PCDHA7: variants seen among roughly 807,000 people sequenced by gnomAD.
PCDHA7 encodes the protein protocadherin alpha 7, also known as protocadherin alpha-7.
A neutral mutation model predicts 57.2 loss-of-function variants in PCDHA7; 37 were observed. The ratio of observed to expected loss-of-function variants is 0.65; its 90% confidence interval spans 0.50 to 0.85. PCDHA7 has a LOEUF of 0.85. PCDHA7 is among the 40% of genes least tolerant of loss of function. The probability of loss-of-function intolerance (pLI) is 0.00; values close to 1 mark genes in which losing one functional copy is unlikely to be tolerated. For synonymous variants in PCDHA7, 553 were observed against 558.8 expected (o/e 0.99, Z 0.15); for missense variants, 1,188 against 1,241.8 (o/e 0.96, Z 0.65).
intron 1 of PCDHA7, among the ~76,000 whole-genome samples, chr5:140,906,693 G>A (rs887867103): frequency 6.6e-6 from 1 of 152,082 alleles, no homozygotes; most frequent in African/African-American, 2.4e-5. Context: ...GAAGGATCTG[G>A]GCCATTTGTA....
rs781886107 is a variant in PCDHA7 at position 140,870,037 on chromosome 5, A to G, written c.2355+33299A>G. 6.2e-7 allele frequency: 1 copy of G among 1,613,778 alleles called. No individual in the cohort carries two copies. The highest frequency in any genetic ancestry group is 1.7e-5 in the Admixed American group (1 of 60,026). On this transcript the variant is annotated intron_variant, in intron 1 of 3. Coordinates refer to ENST00000525929, the MANE Select transcript of PCDHA7 (RefSeq NM_018910.3). ...CAATGGAACTTTAGATTATGAAGAA[A>G]ACAAGTTTTATAAAATTGAAGTACA... is the stretch of plus-strand genomic sequence containing the variant.
At chr5:140,858,533 T>C in intron 1 of PCDHA7, 4 of 1,397,322 alleles carry the variant, frequency 2.9e-6, no homozygotes, top group Non-Finnish European at 4.0e-6. Context: ...TTCATTTTTG[T>C]CTACATTCCA....
Position 140,853,699 on chromosome 5 carries a change from C to T in PCDHA7, c.2355+16961C>T. 5.1e-6 allele frequency: 5 copies of T among 984,902 alleles called. 1 individual carries two copies. Among genetic ancestry groups the T allele is most frequent in the Non-Finnish European group, 6.1e-6 (5 of 817,068 alleles). The allele number at this position is 984,902 out of a possible 1,614,324, so 61.0% of individuals were successfully genotyped here. On this transcript the variant is annotated intron_variant, in intron 1 of 3. Transcript: ENST00000525929. Reference sequence around the variant, plus strand: ...GTCAACCTATCCTTAGACCTGCTAACGCATTAGCATTAGCAGCACCTAAGT... The same window carrying T: ...GTCAACCTATCCTTAGACCTGCTAATGCATTAGCATTAGCAGCACCTAAGT...
At chr5:140,991,452 C>T (rs1162146299) in intron 3 of PCDHA7, among the ~76,000 whole-genome samples, 3 of 152,184 alleles carry the variant, frequency 2.0e-5, no homozygotes, top group African/African-American at 7.2e-5. Context: ...TAAAACAACA[C>T]AATGTATTAT....
intron 1 of PCDHA7, chr5:140,856,365 A>C: frequency 3.1e-6 from 5 of 1,598,426 alleles, no homozygotes; most frequent in Non-Finnish European, 2.6e-6. Flanking sequence ...ATCCACCTGG[A>C]GGTGATCGTG....
chr5:140,884,003 G>A, intron 1 of PCDHA7: 4 of 1,613,086 alleles, frequency 2.5e-6, no homozygotes, highest in African/African-American at 1.3e-5. Flanking sequence ...CACAGTGAGC[G>A]AGCTGATGCC....
chr5:140,911,187 G>A (rs911666410), intron 1 of PCDHA7, among the ~76,000 whole-genome samples: 1 of 152,102 alleles, frequency 6.6e-6, no homozygotes, highest in Non-Finnish European at 1.5e-5. Context: ...TGTGGGTTGG[G>A]GAGGACATGT....
chr5:140,967,229 C>T, intron 1 of PCDHA7: 2 of 1,613,760 alleles, frequency 1.2e-6, no homozygotes, highest in East Asian at 2.2e-5. Flanking sequence ...CAACTACCAG[C>T]TTCAGGTAAG....
chr5:140,907,690 G>C (rs761914004), intron 1 of PCDHA7, among the ~76,000 whole-genome samples: 1 of 152,196 alleles, frequency 6.6e-6, no homozygotes, highest in African/African-American at 2.4e-5. Context: ...TTGGTGAGTG[G>C]AAGTCCCTGT....
intron 3 of PCDHA7, among the ~76,000 whole-genome samples, chr5:140,995,481 T>C (rs190039428): frequency 5.9e-5 from 9 of 152,308 alleles, no homozygotes; most frequent in Admixed American, 5.9e-4. Context: ...CATTTAATAT[T>C]TTCAGACTAA....
chr5:140,850,123 C>A (rs2150468826), intron 1 of PCDHA7: 9 of 1,595,920 alleles, frequency 5.6e-6, no homozygotes, highest in African/African-American at 2.7e-5. Context: ...GCGGGCGTGC[C>A]GCCTCTGGGC....
In PCDHA7 at chr5:141,011,948, A is replaced by G. The variant is rs1011232437; in HGVS notation, c.*2011A>G. ...TAGGAGTCTGTTATTTAAAAAAAGC[A>G]TTAAATTTAAAAAAAAACTGTCTTG... On this transcript the variant is annotated 3_prime_UTR_variant, in exon 4 of 4. Transcript: ENST00000525929. 3 of 153,698 alleles carry G rather than the reference A, an allele frequency of 2.0e-5. No homozygotes were observed. The highest frequency in any genetic ancestry group is 4.4e-5 in the Non-Finnish European group (3 of 68,026). The allele number at this position is 153,698 out of a possible 1,614,324, so 9.5% of individuals were successfully genotyped here.
intron 1 of PCDHA7, chr5:140,928,085 T>G: frequency 1.9e-6 from 3 of 1,614,236 alleles, no homozygotes; most frequent in Non-Finnish European, 8.5e-7. Flanking sequence ...TACAGCCTGC[T>G]GATTGATGGG....
intron 3 of PCDHA7, among the ~76,000 whole-genome samples, chr5:141,009,094 C>A (rs1350235475): frequency 6.6e-6 from 1 of 152,176 alleles, no homozygotes; most frequent in Non-Finnish European, 1.5e-5. Context: ...AAGAACCAAA[C>A]ATATGTTACT....
At chr5:140,968,756 G>T in intron 1 of PCDHA7, 1 of 1,614,202 alleles carries the variant, frequency 6.2e-7, no homozygotes, top group Non-Finnish European at 8.5e-7. Flanking sequence ...GGTGGTCCGA[G>T]ATAATGGAGA....
chr5:140,843,077 G>A, intron 1 of PCDHA7: 1 of 1,595,414 alleles, frequency 6.3e-7, no homozygotes, highest in South Asian at 1.1e-5. Context: ...GCGGTCTGTG[G>A]GCGCGGGCCA....
intron 1 of PCDHA7, among the ~76,000 whole-genome samples, chr5:140,957,748 G>T (rs2095381433): frequency 6.6e-6 from 1 of 152,080 alleles, no homozygotes; most frequent in South Asian, 2.1e-4. Context: ...GACATGAAAG[G>T]ATGTTCATTA....
intron 1 of PCDHA7, among the ~76,000 whole-genome samples, chr5:140,910,741 ATAAAT>A (rs2075151736): frequency 6.6e-6 from 1 of 152,142 alleles, no homozygotes; most frequent in African/African-American, 2.4e-5. Flanking sequence ...AACCAAGCAC[ATAAAT>A]TATCAGAACC....
At chr5:140,921,965 A>T (rs1459699467) in intron 1 of PCDHA7, among the ~76,000 whole-genome samples, 1 of 152,112 alleles carries the variant, frequency 6.6e-6, no homozygotes. Flanking sequence ...AGAAAACCAA[A>T]GGAAAAAATA....
Sources: allele counts gnomAD v4.1 joint callset (sites outside exome capture counted in the v4.1 genomes callset), GRCh38; gene constraint gnomAD v4.1.1; transcripts MANE v1.5; gene names NCBI Gene and HGNC (gene_info 2026-07-23, HGNC 2026-07-21).